POLD3: variants seen among roughly 807,000 people sequenced by gnomAD.
POLD3 encodes DNA polymerase delta subunit 3.
Under a neutral mutation model 58.2 loss-of-function variants are expected in POLD3, and 19 were observed. That is an observed-to-expected ratio of 0.33 (90% CI 0.23 to 0.48). The LOEUF (loss-of-function observed/expected upper bound fraction) is 0.48, where lower values mean the gene tolerates loss of function less well. POLD3 is among the 20% of genes least tolerant of loss of function. The probability of loss-of-function intolerance (pLI) is 0.99; values close to 1 mark genes in which losing one functional copy is unlikely to be tolerated. For missense variants in POLD3, 504 were observed against 545.5 expected (o/e 0.92, Z 0.76); for synonymous variants, 172 against 193.5 (o/e 0.89, Z 0.92).
Position 74,620,096 on chromosome 11 carries a change from A to T in POLD3, c.733+7A>T. 1 of 1,590,778 alleles carries T rather than the reference A, an allele frequency of 6.3e-7. No homozygotes were observed. The highest frequency in any genetic ancestry group is 8.6e-7 in the Non-Finnish European group (1 of 1,158,744). The stretch of plus-strand genomic sequence containing the variant: ...TTTGGAAAAGCTGCTATGAGTAAGC[A>T]TGTTCTTACCTCACTTTGACTAACG... On this transcript the variant is annotated splice_region_variant and intron_variant, in intron 7 of 11. Coordinates refer to ENST00000263681, the MANE Select transcript of POLD3 (RefSeq NM_006591.3).
At chr11:74,664,299 CAT>C (rs2033240215) in intron 4 of POLD3, among the ~76,000 whole-genome samples, 2 of 152,238 alleles carry the variant, frequency 1.3e-5, no homozygotes, top group Admixed American at 1.3e-4. Context: ...AAAATGAAAA[CAT>C]ACATCCATAC....
chr11:74,633,461 C>T (rs2032655203), intron 9 of POLD3, among the ~76,000 whole-genome samples: 1 of 152,178 alleles, frequency 6.6e-6, no homozygotes, highest in Non-Finnish European at 1.5e-5. Flanking sequence ...GCCATTTGGC[C>T]TTGAACTCTT....
rs144922756 is a variant in POLD3, at chr11:74,619,561, C to T, written c.661-456C>T. On this transcript the variant is annotated intron_variant, in intron 6 of 11. Coordinates refer to ENST00000263681, the MANE Select transcript of POLD3 (RefSeq NM_006591.3). ...AGGGAGATATTAACTATTTCCCTTT[C>T]GCATATGGTAAAACTGAAACCTAGA... Among the ~76,000 whole-genome samples, 163 of 152,212 alleles carry T rather than the reference C, an allele frequency of 1.1e-3. 1 individual carries two copies. The highest frequency in any genetic ancestry group is 3.6e-3 in the African/African-American group (149 of 41,526).
intron 9 of POLD3, among the ~76,000 whole-genome samples, chr11:74,629,628 A>G (rs1402262644): frequency 6.7e-6 from 1 of 149,754 alleles, no homozygotes; most frequent in Non-Finnish European, 1.5e-5. Flanking sequence ...TCCTTTAGCT[A>G]CCTTCATGTG....
intron 4 of POLD3, among the ~76,000 whole-genome samples, chr11:74,659,146 G>A (rs7111251): frequency 0.82 from 124,541 of 152,174 alleles, 51,144 homozygotes; most frequent in Middle Eastern, 0.94. Context: ...CTGTGCACCC[G>A]CAGGCTCAAC....
rs186990019 is a variant in POLD3 at position 74,627,719 on chromosome 11, G to A, written c.900-1498G>A. On this transcript the variant is annotated intron_variant, in intron 8 of 11. Transcript: ENST00000263681. ...TTAGATGTTTAAATACACAAATACC[G>A]TTGTGTTACAGTTGCCTACAGTATT... Among the ~76,000 whole-genome samples the A allele has an allele frequency of 3.4e-4, 51 of 152,104 alleles. 1 individual carries two copies. In the South Asian group the frequency reaches 6.4e-3, roughly 19 times the overall value.
intron 5 of POLD3, among the ~76,000 whole-genome samples, 177 bp downstream of exon 5, chr11:74,613,187 C>A (rs1182280628): frequency 6.6e-6 from 1 of 151,986 alleles, no homozygotes; most frequent in African/African-American, 2.4e-5. Context: ...AGCCACAACC[C>A]ATATTGAAAA....
intron 6 of POLD3, 36 bp from the exon 7 acceptor site, chr11:74,619,981 C>T (rs778608364): frequency 1.9e-6 from 3 of 1,562,710 alleles, no homozygotes; most frequent in Non-Finnish European, 1.8e-6. Flanking sequence ...AGCCTAAATG[C>T]CAGCAAAAAA....
chr11:74,596,973 G>A (rs553261292), intron 2 of POLD3, among the ~76,000 whole-genome samples: 26 of 152,254 alleles, frequency 1.7e-4, no homozygotes, highest in Non-Finnish European at 2.9e-4. Context: ...ATTCCATTGT[G>A]TATATACACT....
intron 9 of POLD3, among the ~76,000 whole-genome samples, chr11:74,633,242 A>G (rs1174186164): frequency 2.6e-5 from 4 of 152,204 alleles, no homozygotes; most frequent in African/African-American, 4.8e-5. Flanking sequence ...CTTCAGAACA[A>G]TGGAGGCTTG....
intron 4 of POLD3, among the ~76,000 whole-genome samples, chr11:74,655,013 C>A (rs775097057): frequency 2.0e-5 from 3 of 152,194 alleles, no homozygotes; most frequent in Non-Finnish European, 2.9e-5. Context: ...TCCACATACA[C>A]CTGGTAGAAC....
At position 74,620,059 on chromosome 11, in the gene POLD3, A is replaced by C. The variant is rs1486448297; in HGVS notation, c.703A>C (p.Met235Leu). 2 of 1,613,742 alleles carry C rather than the reference A, an allele frequency of 1.2e-6. No individual in the cohort carries two copies. Among genetic ancestry groups the C allele is most frequent in the Non-Finnish European group, 1.7e-6 (2 of 1,179,634 alleles). Reference protein sequence around the residue: ...GNKAPGKGNMMSNFFGKAAMN... With the variant: ...GNKAPGKGNMLSNFFGKAAMN... ...CAAGGCACCAGGGAAAGGGAATATGATGAGCAACTTTTTTGGAAAAGCTGC... is the reference window on the plus strand; with the variant it reads ...CAAGGCACCAGGGAAAGGGAATATGCTGAGCAACTTTTTTGGAAAAGCTGC... Residue 235 changes from methionine to leucine, a missense_variant, in exon 7 of 12, where the codon ATG (methionine) becomes CTG (leucine). Met to Leu is a conservative substitution (Grantham distance 15). Transcript: ENST00000263681.
chr11:74,607,240 T>TATATATATATATATATATATATA (rs761011170), intron 3 of POLD3, among the ~76,000 whole-genome samples: 3 of 61,914 alleles, frequency 4.8e-5, no homozygotes, highest in Admixed American at 3.5e-4. Flanking sequence ...ATTATTATTA[T>TATATATATATATATATATATATA]TATATATTTA....
At chr11:74,667,967 G>A (rs2033292972) in intron 4 of POLD3, among the ~76,000 whole-genome samples, 1 of 152,122 alleles carries the variant, frequency 6.6e-6, no homozygotes, top group African/African-American at 2.4e-5. Flanking sequence ...AAACATCAAC[G>A]TCGTTAGTCA....
At chr11:74,661,826 G>C (rs534383372) in intron 4 of POLD3, among the ~76,000 whole-genome samples, 37 of 152,188 alleles carry the variant, frequency 2.4e-4, no homozygotes, top group Non-Finnish European at 4.9e-4. Flanking sequence ...TGGGAGCCAG[G>C]GACTGGAGTA....
intron 4 of POLD3, among the ~76,000 whole-genome samples, chr11:74,665,391 ATTTTT>A (rs1202426924): frequency 3.0e-4 from 25 of 83,324 alleles, no homozygotes; most frequent in African/African-American, 9.5e-4. Context: ...CCCTTTTATA[ATTTTT>A]TTTTTTTTTT....
chr11:74,625,669 C>CT (rs2032409867), intron 8 of POLD3, 96 bp downstream of exon 8: 2 of 936,424 alleles, frequency 2.1e-6, no homozygotes, highest in Non-Finnish European at 3.2e-6. Context: ...CAGTTAAGTA[C>CT]TAAATCCTAC....
chr11:74,604,664 T>C (rs1325709457), intron 2 of POLD3, 28 bp from the exon 3 acceptor site: 1 of 1,185,674 alleles, frequency 8.4e-7, no homozygotes. Flanking sequence ...ACTGATGTCT[T>C]ACTTGTGCCT....
At chr11:74,594,488 T>G (rs2135107819) in intron 2 of POLD3, among the ~76,000 whole-genome samples, 1 of 152,378 alleles carries the variant, frequency 6.6e-6, no homozygotes, top group South Asian at 2.1e-4. Context: ...GAGACATGAT[T>G]CAGTCTGTAA....
Sources: gnomAD v4.1 joint callset for allele counts (sites outside exome capture counted in the v4.1 genomes callset) on GRCh38, gnomAD v4.1.1 for gene constraint, MANE v1.5 for transcripts, NCBI Gene and HGNC (gene_info 2026-07-23, HGNC 2026-07-21) for gene names.